FKBP14: variants seen among roughly 807,000 people sequenced by gnomAD.
The protein encoded by FKBP14 is FKBP prolyl isomerase 14.
Under a neutral mutation model 21.6 loss-of-function variants are expected in FKBP14, and 20 were observed. The ratio of observed to expected loss-of-function variants is 0.92; its 90% CI spans 0.65 to 1.34. The LOEUF is 1.34. FKBP14 is among the 40% of genes most tolerant of loss of function. FKBP14 has a pLI of 0.00. For synonymous variants in FKBP14, 79 were observed against 86.7 expected (o/e 0.91, Z 0.49); for missense variants, 253 against 249.0 (o/e 1.02, Z -0.11).
At chr7:30,019,894 A>G (rs1272660609) in intron 2 of FKBP14, among the ~76,000 whole-genome samples, 1 of 152,142 alleles carries the variant, frequency 6.6e-6, no homozygotes, top group African/African-American at 2.4e-5. Flanking sequence ...AACATTATAT[A>G]TATGTTGAAG....
At chr7:30,022,865 T>A in intron 1 of FKBP14, 49 bp from the exon 2 acceptor site, 1 of 1,547,504 alleles carries the variant, frequency 6.5e-7, no homozygotes, top group Non-Finnish European at 8.7e-7. Context: ...CTCTAAAAAA[T>A]TTTCTTTAGT....
At position 30,019,019 on chromosome 7, in the gene FKBP14, C is replaced by A; in HGVS notation, c.454G>T (p.Asp152Tyr). The change falls in exon 3 of 4, where the codon GAC becomes TAC. Residue 152 changes from aspartate (D) to tyrosine (Y), a missense_variant. Physicochemically the swap from Asp to Tyr is radical, Grantham distance 160. Transcript: ENST00000222803. ...ESFQEMDLND[D>Y]WKLSKDEVKA... ...ACCTCATCTTTAGAGAGTTTCCAGT[C>A]ATCATTAAGATCCATTTCTTGGAAT... 1 of 1,609,006 alleles carries A rather than the reference C, an allele frequency of 6.2e-7. No individual in the cohort carries two copies. Among genetic ancestry groups the A allele is most frequent in the South Asian group, 1.1e-5 (1 of 89,908 alleles).
At chr7:30,008,865 TG>T (rs1455512354), downstream of FKBP14, among the ~76,000 whole-genome samples, 4 of 150,622 alleles carry the variant, frequency 2.7e-5, no homozygotes, top group Non-Finnish European at 4.4e-5. Context: ...AGCCCCAGGC[TG>T]AGGCAGGAGA....
At chr7:30,016,954 ACT>A (rs1237267369) in intron 3 of FKBP14, among the ~76,000 whole-genome samples, 5 of 152,028 alleles carry the variant, frequency 3.3e-5, no homozygotes, top group Non-Finnish European at 5.9e-5. Context: ...AATCCATTAA[ACT>A]CTATGGATTA....
Position 30,011,591 on chromosome 7 carries a change from A to ATATATATATATATACCATATATATG in FKBP14, c.*3143_*3144insCATATATATGGTATATATATATATA, listed in dbSNP as rs1562834403. The ATATATATATATATACCATATATATG allele has an allele frequency of 2.4e-5, 3 of 125,210 alleles. No individual in the cohort carries two copies. Among genetic ancestry groups the ATATATATATATATACCATATATATG allele is most frequent in the African/African-American group, 6.0e-5 (2 of 33,592 alleles). The allele number at this position is 125,210 out of a possible 1,614,324, so 7.8% of individuals were successfully genotyped here. ...ATATATATGGTATATATATATATAT[A>ATATATATATATATACCATATATATG]GTATATATATATATATATATTTTTT... On this transcript the variant is annotated 3_prime_UTR_variant, in exon 4 of 4. Transcript: ENST00000222803.
In FKBP14 at chr7:30,011,957, A is replaced by G. The variant is rs959610393; in HGVS notation, c.*2778T>C. Reference sequence around the variant, plus strand: ...AACAGACACTTGCCATTGTGTTACAATTGCCTACATGATTCAGAACAGCAA... The same window carrying G: ...AACAGACACTTGCCATTGTGTTACAGTTGCCTACATGATTCAGAACAGCAA... On this transcript the variant is annotated 3_prime_UTR_variant, in exon 4 of 4. Coordinates refer to ENST00000222803, the MANE Select transcript of FKBP14 (RefSeq NM_017946.4). 4 of 152,222 alleles carry G rather than the reference A, an allele frequency of 2.6e-5. No homozygotes were observed. The highest frequency in any genetic ancestry group is 5.9e-5 in the Non-Finnish European group (4 of 68,054). The allele number at this position is 152,222 out of a possible 1,614,324, so 9.4% of individuals were successfully genotyped here.
At chr7:30,007,471 G>T (rs1246228461), downstream of FKBP14, among the ~76,000 whole-genome samples, 7 of 152,124 alleles carry the variant, frequency 4.6e-5, no homozygotes, top group East Asian at 1.4e-3. Flanking sequence ...GCCTCCAAAA[G>T]TGCTGGGATT....
At chr7:30,022,619 G>A in intron 2 of FKBP14, 46 bp downstream of exon 2, 1 of 1,558,606 alleles carries the variant, frequency 6.4e-7, no homozygotes, top group Non-Finnish European at 8.7e-7. Context: ...CTAATCCAGA[G>A]AACAACTCTA....
rs1790192637 is a variant in FKBP14 at position 30,026,670 on chromosome 7, A to G, written c.-162T>C. ...CACATTTACCACCAACTCTTTTCTC[A>G]AGGGTCACGAACCTACCTTTAAAGA... On this transcript the variant is annotated 5_prime_UTR_variant, in exon 1 of 4. Transcript: ENST00000222803. 2 of 614,168 alleles carry G rather than the reference A, an allele frequency of 3.3e-6. No individual in the cohort carries two copies. The highest frequency in any genetic ancestry group is 5.6e-5 in the East Asian group (2 of 35,882). 38.0% of individuals were successfully genotyped at this position (614,168 alleles called of 1,614,324 possible). A position where few individuals can be genotyped will look rare whatever the true frequency, so the allele number is the denominator to read the frequency against.
downstream of FKBP14, among the ~76,000 whole-genome samples, chr7:30,006,546 C>G (rs1416220608): frequency 6.6e-6 from 1 of 151,856 alleles, no homozygotes; most frequent in Non-Finnish European, 1.5e-5. Context: ...GTTCAGTGCT[C>G]TTTTCCTTTT....
chr7:30,017,487 T>C (rs1377336711), intron 3 of FKBP14, among the ~76,000 whole-genome samples: 1 of 151,852 alleles, frequency 6.6e-6, no homozygotes, highest in African/African-American at 2.4e-5. Flanking sequence ...GAGAATCGCT[T>C]GAACCCGGGA....
At chr7:30,024,989 G>A (rs969511208) in intron 1 of FKBP14, among the ~76,000 whole-genome samples, 4 of 152,152 alleles carry the variant, frequency 2.6e-5, no homozygotes, top group African/African-American at 9.7e-5. Context: ...AGAAGAAAGG[G>A]CTGTTGAGAA....
At chr7:30,017,192 A>C (rs922082017) in intron 3 of FKBP14, among the ~76,000 whole-genome samples, 4 of 149,400 alleles carry the variant, frequency 2.7e-5, no homozygotes, top group Non-Finnish European at 5.9e-5. Flanking sequence ...AAAAAACAGA[A>C]AGAAAGAAAA....
At chr7:30,022,561 A>T in intron 2 of FKBP14, 104 bp downstream of exon 2, 1 of 1,212,028 alleles carries the variant, frequency 8.3e-7, no homozygotes, top group Non-Finnish European at 1.1e-6. Context: ...ACCCCCTATT[A>T]ACTTCCAGGG....
At position 30,026,561 on chromosome 7, in the gene FKBP14, C is replaced by T; in HGVS notation, c.-53G>A. On this transcript the variant is annotated 5_prime_UTR_variant, in exon 1 of 4. Coordinates refer to ENST00000222803, the MANE Select transcript of FKBP14 (RefSeq NM_017946.4). ...ACAAAAGCAGCGAAAGGTCCCTCGA[C>T]TTCATAGATTTAAGAACGTAGTTCA... is the stretch of plus-strand genomic sequence containing the variant. The T allele has an allele frequency of 1.3e-6, 2 of 1,525,758 alleles. No homozygotes were observed. Among genetic ancestry groups the T allele is most frequent in the Admixed American group, 2.0e-5 (1 of 49,732 alleles). 94.5% of individuals were successfully genotyped at this position (1,525,758 alleles called of 1,614,324 possible). A position where few individuals can be genotyped will look rare whatever the true frequency, so the allele number is the denominator to read the frequency against.
chr7:30,019,204 A>T, intron 2 of FKBP14, 81 bp from the exon 3 acceptor site: 1 of 1,398,252 alleles, frequency 7.2e-7, no homozygotes, highest in Non-Finnish European at 9.6e-7. Context: ...TGGACAAAGT[A>T]TTTTTTTTAA....
rs1288709701 is a variant in FKBP14, at chr7:30,014,732, T to C, written c.*3A>G. 1.3e-6 allele frequency: 2 copies of C among 1,555,080 alleles called. No homozygotes were observed. Among genetic ancestry groups the C allele is most frequent in the Non-Finnish European group, 1.7e-6 (2 of 1,155,006 alleles). The stretch of plus-strand genomic sequence containing the variant: ...GTGCTATATTAAAAGGGTAGATGTA[T>C]CTCTATAACTCATCGTGTTTATATG... On this transcript the variant is annotated 3_prime_UTR_variant, in exon 4 of 4. Transcript: ENST00000222803.
chr7:30,006,633 G>A (rs369973509), downstream of FKBP14, among the ~76,000 whole-genome samples: 64 of 152,200 alleles, frequency 4.2e-4, no homozygotes, highest in African/African-American at 1.3e-3. Context: ...TCATACAGTC[G>A]TACAGCGTAC....
At position 30,026,679 on chromosome 7, in the gene FKBP14, G is replaced by A. The variant is rs1328713058; in HGVS notation, c.-171C>T. 4 of 586,854 alleles carry A rather than the reference G, an allele frequency of 6.8e-6. No homozygotes were observed. The highest frequency in any genetic ancestry group is 2.8e-5 in the East Asian group (1 of 35,756). 36.4% of individuals were successfully genotyped at this position (586,854 alleles called of 1,614,324 possible). On this transcript the variant is annotated 5_prime_UTR_variant, in exon 1 of 4. Transcript: ENST00000222803. The stretch of plus-strand genomic sequence containing the variant: ...CACCAACTCTTTTCTCAAGGGTCAC[G>A]AACCTACCTTTAAAGAGTTAAGCCC...
Sources: gnomAD v4.1 joint callset for allele counts (sites outside exome capture counted in the v4.1 genomes callset) on GRCh38, gnomAD v4.1.1 for gene constraint, MANE v1.5 for transcripts, NCBI Gene and HGNC (gene_info 2026-07-23, HGNC 2026-07-21) for gene names.